The following FBXO21 variants were observed in gnomAD, a reference collection of about 807,000 sequenced individuals.
The protein encoded by FBXO21 is F-box only protein 21.
In FBXO21, 32 loss-of-function variants were observed where a neutral mutation model predicts 76.6. The ratio of observed to expected loss-of-function variants is 0.42; its 90% CI spans 0.32 to 0.56. The LOEUF (loss-of-function observed/expected upper bound fraction) is 0.56, where lower values mean the gene tolerates loss of function less well. Among genes scored for constraint, FBXO21 ranks in the 20% least tolerant of loss-of-function variants. The pLI is 0.16. For missense variants in FBXO21, 586 were observed against 797.3 expected (o/e 0.73, Z 3.19); for synonymous variants, 328 against 311.5 (o/e 1.05, Z -0.56).
rs139427830 is a variant in FBXO21, at chr12:117,162,801, T to C, written c.1326+2684A>G. On this transcript the variant is annotated intron_variant, in intron 9 of 11. Transcript: ENST00000622495. ...ACCTCAAACTGCACACTCATCAGCA[T>C]AGAAATCCGTGCTAGGCTGACATCT... is the stretch of plus-strand genomic sequence containing the variant. 2.0e-3 allele frequency among the ~76,000 whole-genome samples: 298 copies of C among 152,322 alleles called. 3 individuals are homozygous for C. Among genetic ancestry groups the C allele is most frequent in the African/African-American group, 6.9e-3 (285 of 41,572 alleles).
At chr12:117,174,425 T>A in intron 5 of FBXO21, 84 bp from the exon 6 acceptor site, 1 of 1,437,026 alleles carries the variant, frequency 7.0e-7, no homozygotes, top group Non-Finnish European at 9.8e-7. Context: ...ATGAAGACAT[T>A]GGCAATGGCC....
chr12:117,153,838 T>C (rs564773273), intron 11 of FBXO21, among the ~76,000 whole-genome samples: 1 of 152,366 alleles, frequency 6.6e-6, no homozygotes, highest in Non-Finnish European at 1.5e-5. Flanking sequence ...ATTTAACAGA[T>C]GGTAAAACCA....
chr12:117,155,702 C>T (rs1592871929), intron 11 of FBXO21, 89 bp downstream of exon 11: 2 of 1,404,068 alleles, frequency 1.4e-6, no homozygotes, highest in South Asian at 1.3e-5. Flanking sequence ...GAACCGATGG[C>T]CCACGCCCAC....
intron 7 of FBXO21, among the ~76,000 whole-genome samples, chr12:117,168,391 G>A (rs996612871): frequency 4.6e-5 from 7 of 152,208 alleles, no homozygotes; most frequent in African/African-American, 1.7e-4. Context: ...GGGCGTGGTG[G>A]TGCATGCCTG....
chr12:117,169,532 TATC>T (rs1327817059), intron 7 of FBXO21, among the ~76,000 whole-genome samples: 1 of 151,470 alleles, frequency 6.6e-6, no homozygotes, highest in Non-Finnish European at 1.5e-5. Flanking sequence ...AGAAAAACCT[TATC>T]ATATGAGTAG....
At chr12:117,150,416 A>G (rs1343014935) in intron 11 of FBXO21, among the ~76,000 whole-genome samples, 1 of 152,202 alleles carries the variant, frequency 6.6e-6, no homozygotes, top group East Asian at 1.9e-4. Flanking sequence ...TCCAAGAGAA[A>G]AGCACCATCG....
Position 117,152,111 on chromosome 12 carries a change from C to T in FBXO21, c.1675+3680G>A, listed in dbSNP as rs113532027. ...ATCTAATCAGGACTCAGACTTCACT[C>T]CCAGCTGGCAGACATCATACAGTTA... On this transcript the variant is annotated intron_variant, in intron 11 of 11. Transcript: ENST00000622495. Among the ~76,000 whole-genome samples the T allele has an allele frequency of 7.1e-3, 1,074 of 151,158 alleles. 15 individuals carry two copies. Among genetic ancestry groups the T allele is most frequent in the African/African-American group, 0.025 (1,026 of 41,508 alleles).
intron 11 of FBXO21, among the ~76,000 whole-genome samples, chr12:117,150,276 T>C (rs146658103): frequency 3.7e-4 from 57 of 152,354 alleles, no homozygotes; most frequent in African/African-American, 1.3e-3. Flanking sequence ...TGGATTCTCT[T>C]CAAGTTTTCA....
At chr12:117,156,003 C>T in intron 10 of FBXO21, 55 bp from the exon 11 acceptor site, 1 of 1,567,010 alleles carries the variant, frequency 6.4e-7, no homozygotes, top group South Asian at 1.1e-5. Flanking sequence ...CAACAACCTC[C>T]AGACAACCGC....
rs559941552 is a variant in FBXO21 at position 117,174,165 on chromosome 12, C to T, written c.876+40G>A. On this transcript the variant is annotated intron_variant, in intron 6 of 11. Transcript: ENST00000622495. ...AAACAGAAAAAAAAAGTTACTATAC[C>T]TATATTACTATACCCATATATTACT... The T allele has an allele frequency of 5.5e-5, 84 of 1,516,106 alleles. 1 individual carries two copies. The South Asian group carries it at 8.6e-4, about 15-fold the overall frequency. The allele number at this position is 1,516,106 out of a possible 1,614,324, so 93.9% of individuals were successfully genotyped here. A position where few individuals can be genotyped will look rare whatever the true frequency, so the allele number is the denominator to read the frequency against.
rs1255988146 is a variant in FBXO21, at chr12:117,155,936, G to C, written c.1530C>G (p.Asn510Lys). Reference sequence around the variant, plus strand: ...TGGGGTCCCAGCCGTAGATCACACAGTTATAGCCATACCTAGTTAACACAG... The same window carrying C: ...TGGGGTCCCAGCCGTAGATCACACACTTATAGCCATACCTAGTTAACACAG... ...LIMKHKRYGY[N>K]CVIYGWDPTC... is the part of the protein sequence containing the mutation. Residue 510 changes from asparagine to lysine, a missense_variant, in exon 11 of 12, where the codon AAC becomes AAG. Asn to Lys is a moderately conservative substitution (Grantham distance 94). Around this residue, in one of 6 missense-constraint regions of FBXO21, gnomAD observed 164 missense variants for 236.7 expected, o/e 0.69. Coordinates refer to ENST00000622495, the MANE Select transcript of FBXO21 (RefSeq NM_015002.3). 1 of 1,614,186 alleles carries C rather than the reference G, an allele frequency of 6.2e-7. No individual in the cohort carries two copies. The highest frequency in any genetic ancestry group is 8.5e-7 in the Non-Finnish European group (1 of 1,180,026).
At chr12:117,168,366 A>C (rs764164238) in intron 7 of FBXO21, among the ~76,000 whole-genome samples, 1 of 152,094 alleles carries the variant, frequency 6.6e-6, no homozygotes, top group Non-Finnish European at 1.5e-5. Context: ...TTTACTAAAA[A>C]TACAAAAATT....
chr12:117,184,583 G>A (rs12319767), intron 3 of FBXO21, among the ~76,000 whole-genome samples: 27,504 of 152,072 alleles, frequency 0.18, 3,168 homozygotes, highest in Admixed American at 0.34. Flanking sequence ...GAGAAACACC[G>A]TTTCTACTAA....
At chr12:117,155,737 TGC>T (rs888053913) in intron 11 of FBXO21, 52 bp downstream of exon 11, 2 of 1,559,816 alleles carry the variant, frequency 1.3e-6, no homozygotes, top group African/African-American at 2.7e-5. Context: ...GGCTCAAACG[TGC>T]GCTGAAAACA....
At chr12:117,179,729 C>G (rs1202848765) in intron 3 of FBXO21, among the ~76,000 whole-genome samples, 4 of 152,164 alleles carry the variant, frequency 2.6e-5, no homozygotes, top group Admixed American at 2.6e-4. Flanking sequence ...TACTCAATGT[C>G]TTGATCTGTT....
At chr12:117,184,198 T>C (rs1474882895) in intron 3 of FBXO21, among the ~76,000 whole-genome samples, 1 of 151,592 alleles carries the variant, frequency 6.6e-6, no homozygotes, top group Non-Finnish European at 1.5e-5. Flanking sequence ...GCAAAACAAC[T>C]CCCCCCTGCT....
At chr12:117,155,714 G>A (rs1955907469) in intron 11 of FBXO21, 77 bp downstream of exon 11, 2 of 1,482,444 alleles carry the variant, frequency 1.3e-6, no homozygotes, top group African/African-American at 2.8e-5. Context: ...CACGCCCACA[G>A]TACCTACCCG....
chr12:117,149,490 T>C (rs1955815030), intron 11 of FBXO21, among the ~76,000 whole-genome samples: 3 of 152,242 alleles, frequency 2.0e-5, no homozygotes, highest in African/African-American at 7.2e-5. Context: ...TGCCAGTTCG[T>C]CTGGAGCAGT....
intron 2 of FBXO21, among the ~76,000 whole-genome samples, chr12:117,186,913 G>C (rs1020015617): frequency 1.3e-5 from 2 of 152,224 alleles, no homozygotes; most frequent in African/African-American, 4.8e-5. Flanking sequence ...GATAACCTGA[G>C]GTAAGGAGTT....
Sources: allele counts gnomAD v4.1 joint callset (sites outside exome capture counted in the v4.1 genomes callset), GRCh38; gene constraint gnomAD v4.1.1; regional missense constraint gnomAD v4.1.1; transcripts MANE v1.5; gene names NCBI Gene and HGNC (gene_info 2026-07-23, HGNC 2026-07-21).